Variants in RALYL observed in about 807,000 individuals in gnomAD.
RALYL encodes RNA-binding Raly-like protein.
RALYL carries 29 observed loss-of-function variants against 35.1 expected under a neutral mutation model. The ratio of observed to expected loss-of-function variants is 0.83; its 90% confidence interval spans 0.61 to 1.13. The LOEUF (loss-of-function observed/expected upper bound fraction) is 1.13, where lower values mean the gene tolerates loss of function less well. RALYL is among the 50% of genes most tolerant of loss of function. RALYL has a pLI of 0.00. For missense variants in RALYL, 359 were observed against 360.4 expected, an observed-to-expected ratio of 1.00 and a Z score of 0.03; for synonymous variants, 120 against 127.6, an observed-to-expected ratio of 0.94 and a Z score of 0.40.
intron 2 of RALYL, among the ~76,000 whole-genome samples, chr8:84,733,503 T>C (rs931889287): frequency 6.6e-6 from 1 of 152,132 alleles, no homozygotes; most frequent in African/African-American, 2.4e-5. Flanking sequence ...ATAATATTAT[T>C]AATAGTATTG....
chr8:84,287,131 GATTTT>G (rs1235015737), intron 1 of RALYL, among the ~76,000 whole-genome samples: 1 of 152,126 alleles, frequency 6.6e-6, no homozygotes. Flanking sequence ...AGGAACTCAA[GATTTT>G]ATTTTATTTT....
intron 2 of RALYL, among the ~76,000 whole-genome samples, chr8:84,631,906 T>C (rs10107192): frequency 0.091 from 13,812 of 152,004 alleles, 1,595 homozygotes; most frequent in African/African-American, 0.27. Flanking sequence ...TGGCATTACT[T>C]ATTTATATTA....
chr8:84,669,901 T>C (rs745694558), intron 2 of RALYL, among the ~76,000 whole-genome samples: 40 of 152,194 alleles, frequency 2.6e-4, no homozygotes, highest in Non-Finnish European at 5.6e-4. Context: ...TGTTTGTAAA[T>C]AGAGCAGTTT....
intron 3 of RALYL, among the ~76,000 whole-genome samples, chr8:84,799,103 T>C (rs1198885271): frequency 6.6e-6 from 1 of 152,180 alleles, no homozygotes; most frequent in Admixed American, 6.5e-5. Context: ...GGAAGGTTCA[T>C]CTAACACAAT....
intron 1 of RALYL, among the ~76,000 whole-genome samples, chr8:84,431,890 C>T (rs1346482832): frequency 6.6e-6 from 1 of 152,104 alleles, no homozygotes; most frequent in Non-Finnish European, 1.5e-5. Flanking sequence ...GATTCATTTC[C>T]TTTGGTTATA....
chr8:84,404,485 C>T (rs758115623), intron 1 of RALYL, among the ~76,000 whole-genome samples: 11 of 151,812 alleles, frequency 7.2e-5, no homozygotes, highest in South Asian at 2.1e-4. Context: ...TATTGATTTG[C>T]GATGTTGAAC....
chr8:84,677,034 T>G (rs1489095891), intron 2 of RALYL, among the ~76,000 whole-genome samples: 1 of 152,088 alleles, frequency 6.6e-6, no homozygotes. Context: ...ACTCCCAACC[T>G]CATGATCCAC....
intron 1 of RALYL, among the ~76,000 whole-genome samples, chr8:84,209,181 A>C (rs1818825617): frequency 6.6e-6 from 1 of 151,588 alleles, no homozygotes; most frequent in African/African-American, 2.4e-5. Context: ...GAGATATTAC[A>C]AGAAGCCTAT....
At chr8:84,836,884 G>T (rs542071614) in intron 4 of RALYL, among the ~76,000 whole-genome samples, 4 of 152,234 alleles carry the variant, frequency 2.6e-5, no homozygotes, top group African/African-American at 9.6e-5. Context: ...CTAACCATGG[G>T]TATTCTGAAG....
At chr8:84,428,933 A>T (rs2046843384) in intron 1 of RALYL, among the ~76,000 whole-genome samples, 1 of 152,196 alleles carries the variant, frequency 6.6e-6, no homozygotes, top group South Asian at 2.1e-4. Flanking sequence ...TTCAAGGGGA[A>T]AAATTGCATA....
chr8:84,755,204 G>T (rs1490508502), intron 2 of RALYL, among the ~76,000 whole-genome samples: 1 of 152,148 alleles, frequency 6.6e-6, no homozygotes, highest in Non-Finnish European at 1.5e-5. Context: ...TAATGCTGGT[G>T]TGGCCCATCA....
chr8:84,228,093 G>A (rs943309936), intron 1 of RALYL, among the ~76,000 whole-genome samples: 3 of 148,074 alleles, frequency 2.0e-5, no homozygotes, highest in Non-Finnish European at 3.0e-5. Flanking sequence ...ATTCTTAAAT[G>A]TTCAGTGAAA....
chr8:84,536,661 G>T (rs1462946211), intron 2 of RALYL, among the ~76,000 whole-genome samples: 2 of 152,094 alleles, frequency 1.3e-5, no homozygotes, highest in Admixed American at 6.5e-5. Context: ...AATGCTGCAG[G>T]TAATAAATAG....
intron 1 of RALYL, among the ~76,000 whole-genome samples, chr8:84,301,573 A>G (rs1014890499): frequency 1.3e-5 from 2 of 150,804 alleles, no homozygotes; most frequent in African/African-American, 4.8e-5. Context: ...CGTGATCTTA[A>G]TAATCAATGG....
intron 1 of RALYL, among the ~76,000 whole-genome samples, chr8:84,255,048 A>G (rs924908832): frequency 2.6e-5 from 4 of 152,096 alleles, no homozygotes; most frequent in Non-Finnish European, 5.9e-5. Flanking sequence ...AATCAAAATG[A>G]GATTTTGGGT....
intron 2 of RALYL, among the ~76,000 whole-genome samples, chr8:84,664,437 C>T (rs528925737): frequency 8.7e-4 from 132 of 152,064 alleles, no homozygotes; most frequent in African/African-American, 3.1e-3. Context: ...TGACTATTTT[C>T]ATGATATTGA....
intron 1 of RALYL, among the ~76,000 whole-genome samples, chr8:84,428,904 A>T (rs1391828489): frequency 6.6e-6 from 1 of 152,138 alleles, no homozygotes; most frequent in African/African-American, 2.4e-5. Flanking sequence ...AACCACCTTT[A>T]ATGCAAAGCA....
intron 1 of RALYL, among the ~76,000 whole-genome samples, chr8:84,416,579 A>G (rs921992198): frequency 6.6e-6 from 1 of 151,830 alleles, no homozygotes; most frequent in Non-Finnish European, 1.5e-5. Context: ...TTTTTTTTTC[A>G]TGTGTAAATG....
At chr8:84,738,650 A>C (rs1847750919) in intron 2 of RALYL, among the ~76,000 whole-genome samples, 1 of 152,020 alleles carries the variant, frequency 6.6e-6, no homozygotes, top group Non-Finnish European at 1.5e-5. Flanking sequence ...TATCAACATG[A>C]GCATCATAGA....
Sources: gnomAD v4.1 joint callset for allele counts (sites outside exome capture counted in the v4.1 genomes callset) on GRCh38, gnomAD v4.1.1 for gene constraint, MANE v1.5 for transcripts, NCBI Gene and HGNC (gene_info 2026-07-23, HGNC 2026-07-21) for gene names.